Variants in BLNK observed in about 807,000 individuals in gnomAD.
The protein encoded by BLNK is B-cell linker protein.
In BLNK, 29 loss-of-function variants were observed where a neutral mutation model predicts 73.5. The ratio of observed to expected loss-of-function variants is 0.39; its 90% CI spans 0.29 to 0.54. The LOEUF (loss-of-function observed/expected upper bound fraction) is 0.54, where lower values mean the gene tolerates loss of function less well. BLNK is among the 20% of genes least tolerant of loss of function. The pLI is 0.61. For synonymous variants in BLNK, 176 were observed against 200.8 expected (o/e 0.88, Z 1.04); for missense variants, 460 against 562.8 (o/e 0.82, Z 1.85).
At chr10:96,262,931 G>A (rs534299434) in intron 1 of BLNK, among the ~76,000 whole-genome samples, 6 of 152,310 alleles carry the variant, frequency 3.9e-5, no homozygotes, top group Admixed American at 6.5e-5. Flanking sequence ...TGGAGGGGTC[G>A]TCTAGAGCTT....
intron 3 of BLNK, among the ~76,000 whole-genome samples, chr10:96,234,216 C>T (rs782395910): frequency 2.0e-4 from 30 of 152,220 alleles, no homozygotes; most frequent in Admixed American, 1.7e-3. Flanking sequence ...CCAATCCAGA[C>T]ATCTTGGCAC....
chr10:96,246,084 C>A lies in BLNK; in HGVS notation c.113+900G>T, dbSNP rs117132204. On this transcript the variant is annotated intron_variant, in intron 2 of 16. Transcript: ENST00000224337. The stretch of plus-strand genomic sequence containing the variant: ...AAGGTATATAAGACCTACTAAGGTA[C>A]GTCTACCTTAGATTTTGAGTGGCAA... 6.7e-3 allele frequency among the ~76,000 whole-genome samples: 1,016 copies of A among 151,826 alleles called. 6 individuals are homozygous for A. The highest frequency in any genetic ancestry group is 0.011 in the Non-Finnish European group (754 of 67,956).
At chr10:96,267,059 CCCAATGGCATGGT>C (rs1554914450) in intron 1 of BLNK, among the ~76,000 whole-genome samples, 1 of 152,160 alleles carries the variant, frequency 6.6e-6, no homozygotes, top group East Asian at 1.9e-4. Flanking sequence ...CCTGTTGGGC[CCCAATGGCATGGT>C]CCTTCTAAAT....
At chr10:96,229,030 T>A (rs587604772) in intron 4 of BLNK, among the ~76,000 whole-genome samples, 88 of 152,320 alleles carry the variant, frequency 5.8e-4, no homozygotes, top group African/African-American at 1.9e-3. Context: ...AGTAATAACA[T>A]CTGGGTAAAT....
chr10:96,214,273 G>T lies in BLNK; in HGVS notation c.676+1048C>A, dbSNP rs183935709. ...CTCTGTGCTGTTAATGGGGGTCATG[G>T]GCACCCCTCAGTGTCTTGGGCTCAG... On this transcript the variant is annotated intron_variant, in intron 8 of 16. Coordinates refer to ENST00000224337, the MANE Select transcript of BLNK (RefSeq NM_013314.4). 3.3e-5 allele frequency among the ~76,000 whole-genome samples: 5 copies of T among 152,286 alleles called. No homozygotes were observed. In the East Asian group the frequency reaches 9.7e-4, roughly 29 times the overall value.
chr10:96,200,006 T>C lies in BLNK; in HGVS notation c.1095+69A>G, dbSNP rs587636478. ...TCGAGCCACTGCACTCCAGTGAAAC[T>C]GCATCATCTCAAAACAAATAAATAA... On this transcript the variant is annotated intron_variant, in intron 15 of 16. Transcript: ENST00000224337. This position sits in a 1 kb window ranked among gnomAD's most constrained non-coding sequence, Gnocchi z 4.3. 1.3e-4 allele frequency: 143 copies of C among 1,134,872 alleles called. No individual in the cohort carries two copies. In the South Asian group the frequency reaches 3.6e-3, roughly 29 times the overall value. 70.3% of individuals were successfully genotyped at this position (1,134,872 alleles called of 1,614,324 possible). A position where few individuals can be genotyped will look rare whatever the true frequency, so the allele number is the denominator to read the frequency against.
At chr10:96,193,131 G>C (rs1486288801) in intron 16 of BLNK, among the ~76,000 whole-genome samples, 1 of 152,136 alleles carries the variant, frequency 6.6e-6, no homozygotes. Flanking sequence ...CAGGGAGAGA[G>C]GTAAGAGACA....
At chr10:96,252,626 A>G (rs1403560038) in intron 1 of BLNK, among the ~76,000 whole-genome samples, 1 of 152,200 alleles carries the variant, frequency 6.6e-6, no homozygotes, top group African/African-American at 2.4e-5. Context: ...TCTCTGTATG[A>G]ATTCAGACTA....
chr10:96,270,262 T>G (rs1554915291), intron 1 of BLNK, among the ~76,000 whole-genome samples: 1 of 152,240 alleles, frequency 6.6e-6, no homozygotes, highest in Non-Finnish European at 1.5e-5. Flanking sequence ...TATTCTACTG[T>G]GAAGGGTTGT....
rs1468352184 is a variant in BLNK at position 96,211,019 on chromosome 10, GCAC to G, written c.677-1115_677-1113del. Among the ~76,000 whole-genome samples, 7 of 151,956 alleles carry G rather than the reference GCAC, an allele frequency of 4.6e-5. No homozygotes were observed. The East Asian group carries it at 1.4e-3, about 29-fold the overall frequency. Reference sequence around the variant, plus strand: ...CCTGAGTAGCTGGGACTACAGGCATGCACCACCACACCTGGCTAATTTTTTGTC... The same window carrying G: ...CCTGAGTAGCTGGGACTACAGGCATGCACCACACCTGGCTAATTTTTTGTC... On this transcript the variant is annotated intron_variant, in intron 8 of 16. Coordinates refer to ENST00000224337, the MANE Select transcript of BLNK (RefSeq NM_013314.4).
At chr10:96,226,833 C>T (rs587639862) in intron 5 of BLNK, among the ~76,000 whole-genome samples, 8 of 150,620 alleles carry the variant, frequency 5.3e-5, no homozygotes, top group Admixed American at 2.0e-4. Flanking sequence ...GAGACTCTGT[C>T]GCAAAAAAAC....
At chr10:96,222,527 C>T (rs2084221656) in intron 6 of BLNK, among the ~76,000 whole-genome samples, 1 of 152,102 alleles carries the variant, frequency 6.6e-6, no homozygotes, top group Admixed American at 6.5e-5. Flanking sequence ...ATAGGGAAAA[C>T]AACACAAAGG....
intron 11 of BLNK, chr10:96,205,135 T>A (rs2133967928): frequency 6.1e-6 from 1 of 164,002 alleles, no homozygotes; most frequent in African/African-American, 2.4e-5. Flanking sequence ...GTTATCCCTA[T>A]AATAATGTAA....
chr10:96,204,299 C>A (rs1287467287), intron 12 of BLNK: 5 of 711,766 alleles, frequency 7.0e-6, no homozygotes, highest in Non-Finnish European at 1.2e-5. Flanking sequence ...GAAATCTTGA[C>A]TAAAGTATTG....
rs2083326018 is a variant in BLNK, at chr10:96,191,301, A to T, written c.*672T>A. The stretch of plus-strand genomic sequence containing the variant: ...GTATGTCTTTATTAGCAGCGTGATA[A>T]TGGACTAATACAAACCTCATATCAA... On this transcript the variant is annotated 3_prime_UTR_variant, in exon 17 of 17. Transcript: ENST00000224337. Among the ~76,000 whole-genome samples, 1 of 148,390 alleles carries T rather than the reference A, an allele frequency of 6.7e-6. No homozygotes were observed. The highest frequency in any genetic ancestry group is 6.8e-5 in the Admixed American group (1 of 14,690).
At chr10:96,248,629 T>G (rs1476782502) in intron 1 of BLNK, among the ~76,000 whole-genome samples, 1 of 152,234 alleles carries the variant, frequency 6.6e-6, no homozygotes, top group African/African-American at 2.4e-5. Flanking sequence ...TATATACATA[T>G]AAGCATGTTT....
At chr10:96,257,986 G>A (rs113012448) in intron 1 of BLNK, among the ~76,000 whole-genome samples, 144 of 152,312 alleles carry the variant, frequency 9.5e-4, no homozygotes, top group African/African-American at 3.0e-3. Context: ...CCAACCCATC[G>A]TTTTGAAGCA....
At chr10:96,249,007 G>A (rs976463881) in intron 1 of BLNK, among the ~76,000 whole-genome samples, 12 of 152,170 alleles carry the variant, frequency 7.9e-5, no homozygotes, top group Admixed American at 6.5e-4. Context: ...ATAATTTTCT[G>A]ACTTAAAAAA....
intron 4 of BLNK, 126 bp downstream of exon 4, chr10:96,230,668 T>C: frequency 8.9e-7 from 1 of 1,122,930 alleles, no homozygotes; most frequent in Admixed American, 2.0e-5. Context: ...TGCCTGTAGG[T>C]GACCTTTCCA....
Sources: gnomAD v4.1 joint callset for allele counts (sites outside exome capture counted in the v4.1 genomes callset) on GRCh38, gnomAD v4.1.1 for gene constraint, Gnocchi (gnomAD v3.1) non-coding constraint, MANE v1.5 for transcripts, NCBI Gene and HGNC (gene_info 2026-07-23, HGNC 2026-07-21) for gene names.